Variants in ITGBL1 observed in about 807,000 individuals in gnomAD.
ITGBL1 encodes the protein integrin beta-like protein 1.
Under a neutral mutation model 68.5 loss-of-function variants are expected in ITGBL1, and 51 were observed. That is an observed-to-expected ratio of 0.74 (90% CI 0.59 to 0.94). ITGBL1 has a LOEUF of 0.94. Ranked by LOEUF, ITGBL1 falls within the 40% of genes least tolerant of loss-of-function variation. The pLI is 0.00. For missense variants in ITGBL1, 649 were observed against 647.4 expected (o/e 1.00, Z -0.03); for synonymous variants, 209 against 227.3 (o/e 0.92, Z 0.72).
chr13:101,705,321 A>ACAAC (rs1348689910), intron 8 of ITGBL1, among the ~76,000 whole-genome samples: 1 of 150,646 alleles, frequency 6.6e-6, no homozygotes, highest in African/African-American at 2.4e-5. Context: ...AACAACAACA[A>ACAAC]AAAAAAATAG....
At chr13:101,580,834 G>T (rs1438000843) in intron 5 of ITGBL1, among the ~76,000 whole-genome samples, 1 of 152,140 alleles carries the variant, frequency 6.6e-6, no homozygotes, top group East Asian at 1.9e-4. Context: ...TGTGAGAGAC[G>T]ATGTCCTTCA....
At chr13:101,630,507 G>C (rs977823930) in intron 7 of ITGBL1, among the ~76,000 whole-genome samples, 1 of 152,048 alleles carries the variant, frequency 6.6e-6, no homozygotes, top group Non-Finnish European at 1.5e-5. Context: ...TTCACATTGA[G>C]ACCTGGTTTT....
chr13:101,599,412 T>C (rs2030208023), intron 7 of ITGBL1, among the ~76,000 whole-genome samples: 1 of 150,568 alleles, frequency 6.6e-6, no homozygotes, highest in Non-Finnish European at 1.5e-5. Context: ...TGGTGGTTTC[T>C]TTTGCTGTGC....
At chr13:101,569,427 A>G (rs1296860679) in intron 3 of ITGBL1, among the ~76,000 whole-genome samples, 1 of 152,168 alleles carries the variant, frequency 6.6e-6, no homozygotes, top group East Asian at 1.9e-4. Context: ...TATTTGATAC[A>G]ATGTAAACGC....
intron 4 of ITGBL1, among the ~76,000 whole-genome samples, chr13:101,576,767 C>G (rs1439952439): frequency 6.6e-6 from 1 of 152,070 alleles, no homozygotes; most frequent in African/African-American, 2.4e-5. Context: ...TACAAACTAC[C>G]TGGATAAAAC....
At chr13:101,605,052 G>A (rs1282359395) in intron 7 of ITGBL1, among the ~76,000 whole-genome samples, 1 of 118,742 alleles carries the variant, frequency 8.4e-6, no homozygotes, top group East Asian at 3.0e-4. Flanking sequence ...GCATATATGT[G>A]TATATGTGTA....
At chr13:101,575,628 T>C (rs149605756) in intron 4 of ITGBL1, 82 bp downstream of exon 4, 2 of 1,390,514 alleles carry the variant, frequency 1.4e-6, no homozygotes, top group East Asian at 2.3e-5. Flanking sequence ...TCTACATAAG[T>C]TTCTGCTCTA....
chr13:101,547,899 CTG>C (rs1392706072), intron 2 of ITGBL1, among the ~76,000 whole-genome samples: 15 of 145,956 alleles, frequency 1.0e-4, no homozygotes, highest in East Asian at 4.0e-4. Flanking sequence ...GTATATATCT[CTG>C]TGTGTGTGTA....
At chr13:101,568,176 A>G (rs2050212292) in intron 3 of ITGBL1, among the ~76,000 whole-genome samples, 3 of 152,112 alleles carry the variant, frequency 2.0e-5, no homozygotes, top group Admixed American at 2.0e-4. Flanking sequence ...TGACTTAATT[A>G]TTTTCTGTTA....
At chr13:101,578,195 A>G (rs187826698) in intron 4 of ITGBL1, among the ~76,000 whole-genome samples, 1 of 152,238 alleles carries the variant, frequency 6.6e-6, no homozygotes, top group Admixed American at 6.5e-5. Context: ...GGTCCTATTA[A>G]TGTTCTTGCC....
At chr13:101,658,800 T>C (rs36163820) in intron 7 of ITGBL1, among the ~76,000 whole-genome samples, 13 of 152,114 alleles carry the variant, frequency 8.5e-5, no homozygotes, top group Admixed American at 1.3e-4. Context: ...TCAACCTGTT[T>C]CTGGGCTGGG....
At chr13:101,712,195 T>A (rs561428940) in intron 9 of ITGBL1, 1 of 152,198 alleles carries the variant, frequency 6.6e-6, no homozygotes, top group African/African-American at 2.4e-5. Flanking sequence ...ACCTCTAAGA[T>A]GCACTGAGCA....
chr13:101,483,669 T>C (rs1241207082), intron 2 of ITGBL1, among the ~76,000 whole-genome samples: 2 of 152,224 alleles, frequency 1.3e-5, no homozygotes, highest in Non-Finnish European at 2.9e-5. Context: ...TTGATGTTTG[T>C]AAAATAACAT....
intron 7 of ITGBL1, among the ~76,000 whole-genome samples, chr13:101,631,671 T>C (rs935989457): frequency 1.3e-5 from 2 of 152,150 alleles, no homozygotes; most frequent in African/African-American, 4.8e-5. Flanking sequence ...GAGAGGTTAT[T>C]GTAAAGTGTC....
chr13:101,577,844 A>G (rs1016224721), intron 4 of ITGBL1, among the ~76,000 whole-genome samples: 1 of 152,178 alleles, frequency 6.6e-6, no homozygotes, highest in African/African-American at 2.4e-5. Context: ...AATAAGATAT[A>G]TAGATGATAT....
intron 2 of ITGBL1, among the ~76,000 whole-genome samples, chr13:101,547,763 A>G (rs934132920): frequency 4.6e-5 from 7 of 151,830 alleles, no homozygotes; most frequent in Non-Finnish European, 7.4e-5. Context: ...ATCTGCATTT[A>G]CCCGGATATG....
intron 2 of ITGBL1, among the ~76,000 whole-genome samples, chr13:101,505,032 T>C (rs1321178839): frequency 6.6e-6 from 1 of 152,158 alleles, no homozygotes; most frequent in African/African-American, 2.4e-5. Context: ...GCGTTTTGGG[T>C]GTTCGTGTTG....
chr13:101,711,275 A>G (rs1250861749), intron 9 of ITGBL1: 1 of 152,216 alleles, frequency 6.6e-6, no homozygotes, highest in Admixed American at 6.5e-5. Context: ...TTGTGTGACA[A>G]TGGCTGTAAA....
Position 101,714,443 on chromosome 13 carries a change from T to C in ITGBL1, c.1285T>C (p.Cys429Arg). ...AATAGCCTTTGTAATTTCAGGTTCT[T>C]GTCATTGTGGGAAGTGCATTTGTTC... ...DGILCSGKGS[C>R]HCGKCICSAE... The change falls in exon 10 of 11, where the codon TGT becomes CGT. Residue 429 changes from cysteine (C) to arginine (R), a missense_variant. Coordinates refer to ENST00000376180, the MANE Select transcript of ITGBL1 (RefSeq NM_004791.3). 1 of 1,591,988 alleles carries C rather than the reference T, an allele frequency of 6.3e-7. No homozygotes were observed.
Sources: gnomAD v4.1 joint callset for allele counts (sites outside exome capture counted in the v4.1 genomes callset) on GRCh38, gnomAD v4.1.1 for gene constraint, MANE v1.5 for transcripts, NCBI Gene and HGNC (gene_info 2026-07-23, HGNC 2026-07-21) for gene names.